Variants in ITPR1 observed in about 807,000 individuals in gnomAD.
ITPR1 encodes the protein inositol 1,4,5-trisphosphate receptor type 1, also known as inositol 1,4,5-trisphosphate-gated calcium channel ITPR1.
A neutral mutation model predicts 318.4 loss-of-function variants in ITPR1; 96 were observed. The ratio of observed to expected loss-of-function variants is 0.30; its 90% confidence interval spans 0.26 to 0.36. The LOEUF (loss-of-function observed/expected upper bound fraction) is 0.36. ITPR1 is among the 10% of genes least tolerant of loss of function. The pLI is 1.00. For missense variants in ITPR1, 2,440 were observed against 3,460.2 expected (o/e 0.71, Z 7.40); for synonymous variants, 1,312 against 1,289.9 (o/e 1.02, Z -0.37).
intron 4 of ITPR1, among the ~76,000 whole-genome samples, chr3:4,523,300 C>T (rs904361214): frequency 1.3e-5 from 2 of 152,058 alleles, no homozygotes; most frequent in African/African-American, 2.4e-5. Context: ...AATACATGCA[C>T]ATAATTTAAA....
chr3:4,696,570 C>T (rs1050536275), intron 33 of ITPR1, among the ~76,000 whole-genome samples: 1 of 151,966 alleles, frequency 6.6e-6, no homozygotes, highest in East Asian at 1.9e-4. Flanking sequence ...CTACTGTGCA[C>T]ACTTGTATAC....
At chr3:4,818,328 C>A in intron 60 of ITPR1, 86 bp downstream of exon 60, 2 of 1,083,720 alleles carry the variant, frequency 1.8e-6, no homozygotes, top group Non-Finnish European at 2.6e-6. Context: ...CGGGGAGCTG[C>A]ACAACAGAAG....
At chr3:4,768,894 T>C (rs1395680802) in intron 46 of ITPR1, 130 bp downstream of exon 46, 10 of 866,464 alleles carry the variant, frequency 1.2e-5, no homozygotes, top group Middle Eastern at 2.8e-4. Flanking sequence ...GGTTCTTTTT[T>C]TTCCTTTTTC....
intron 44 of ITPR1, among the ~76,000 whole-genome samples, chr3:4,738,076 A>G (rs2043406746): frequency 6.6e-6 from 1 of 152,160 alleles, no homozygotes; most frequent in South Asian, 2.1e-4. Flanking sequence ...TGGAGGTCGG[A>G]AGGAGGGAGA....
At chr3:4,736,606 T>G (rs191748541) in intron 44 of ITPR1, among the ~76,000 whole-genome samples, 1 of 152,370 alleles carries the variant, frequency 6.6e-6, no homozygotes, top group East Asian at 1.9e-4. Context: ...CCTGGGCCAG[T>G]GGCAAGGCCC....
intron 60 of ITPR1, among the ~76,000 whole-genome samples, chr3:4,822,773 G>A (rs2049812358): frequency 2.0e-5 from 3 of 152,242 alleles, no homozygotes; most frequent in South Asian, 2.1e-4. Context: ...AACTCACAGC[G>A]CCGCTCATTC....
rs762416053 is a variant in ITPR1 at position 4,846,206 on chromosome 3, A to G, written c.8258A>G (p.Asn2753Ser). Reference protein sequence around the residue: ...LLGHPPHMNVNPQQPA With the variant: ...LLGHPPHMNVSPQQPA The stretch of plus-strand genomic sequence containing the variant: ...GGACATCCTCCTCACATGAATGTCA[A>G]CCCACAACAACCAGCATAAGCAAAT... Residue 2753 changes from asparagine to serine, a missense_variant, in exon 62 of 62, where the codon AAC becomes AGC. Asn to Ser is a conservative substitution (Grantham distance 46). Around this residue, in one of 23 missense-constraint regions of ITPR1, gnomAD observed 63 missense variants for 63.4 expected, o/e 0.99. Transcript: ENST00000649015. 8 of 1,561,218 alleles carry G rather than the reference A, an allele frequency of 5.1e-6. No homozygotes were observed. Among genetic ancestry groups the G allele is most frequent in the Non-Finnish European group, 7.0e-6 (8 of 1,150,410 alleles).
chr3:4,670,587 A>G (rs2094054544), intron 19 of ITPR1, 142 bp from the exon 20 acceptor site: 2 of 654,054 alleles, frequency 3.1e-6, no homozygotes, highest in Admixed American at 2.4e-5. Context: ...GAAGATGTTA[A>G]TGTCAGGCTC....
At chr3:4,641,029 G>A (rs1049246983) in intron 6 of ITPR1, among the ~76,000 whole-genome samples, 10 of 152,180 alleles carry the variant, frequency 6.6e-5, no homozygotes, top group African/African-American at 1.9e-4. Context: ...TGCGCTGTTC[G>A]GGGATTTGGA....
chr3:4,623,964 T>C (rs556761856), intron 4 of ITPR1, among the ~76,000 whole-genome samples: 30 of 152,342 alleles, frequency 2.0e-4, no homozygotes, highest in African/African-American at 6.7e-4. Context: ...ATACACCCTC[T>C]CACCTTAGGG....
At chr3:4,613,743 C>G (rs2092267794) in intron 4 of ITPR1, among the ~76,000 whole-genome samples, 1 of 152,170 alleles carries the variant, frequency 6.6e-6, no homozygotes, top group African/African-American at 2.4e-5. Context: ...CAGGATCATC[C>G]TTCTTTTCAT....
rs2307067 is a variant in ITPR1 at position 4,628,008 on chromosome 3, G to A, written c.279+130G>A. The A allele has an allele frequency of 0.065, 37,638 of 577,578 alleles. 1,818 individuals are homozygous for A. The highest frequency in any genetic ancestry group is 0.16 in the African/African-American group (8,540 of 53,194). 35.8% of individuals were successfully genotyped at this position (577,578 alleles called of 1,614,324 possible). A position where few individuals can be genotyped will look rare whatever the true frequency, so the allele number is the denominator to read the frequency against. Reference sequence around the variant, plus strand: ...CAGCCAGCTTTCTACTTTTTTTTTCGTGAAGGGGTAGAAGGGAACCGACCG... The same window carrying A: ...CAGCCAGCTTTCTACTTTTTTTTTCATGAAGGGGTAGAAGGGAACCGACCG... On this transcript the variant is annotated intron_variant, in intron 5 of 61. Transcript: ENST00000649015.
At chr3:4,585,783 AT>A (rs201361637) in intron 4 of ITPR1, among the ~76,000 whole-genome samples, 20,349 of 151,668 alleles carry the variant, frequency 0.13, 1,452 homozygotes, top group African/African-American at 0.15. Flanking sequence ...TTTCTTTTAT[AT>A]TATACTTTAA....
chr3:4,738,828 A>G (rs1307202300), intron 44 of ITPR1, among the ~76,000 whole-genome samples: 2 of 152,124 alleles, frequency 1.3e-5, no homozygotes, highest in African/African-American at 4.8e-5. Flanking sequence ...CCACGTGTGG[A>G]GCAGGGATGT....
chr3:4,562,238 T>C (rs911469214), intron 4 of ITPR1, among the ~76,000 whole-genome samples: 1 of 152,200 alleles, frequency 6.6e-6, no homozygotes, highest in East Asian at 1.9e-4. Context: ...ATACAGCTCA[T>C]CAAAATATCT....
chr3:4,514,921 T>C (rs936294846), intron 2 of ITPR1, among the ~76,000 whole-genome samples: 1 of 152,214 alleles, frequency 6.6e-6, no homozygotes, highest in Non-Finnish European at 1.5e-5. Flanking sequence ...AATTAAACAA[T>C]GACTGACATG....
chr3:4,785,099 A>G (rs1341824773), intron 51 of ITPR1, among the ~76,000 whole-genome samples: 1 of 152,230 alleles, frequency 6.6e-6, no homozygotes, highest in African/African-American at 2.4e-5. Flanking sequence ...AAGCTTTACA[A>G]TCTTCTCTGG....
At chr3:4,681,315 A>G (rs755301189) in intron 25 of ITPR1, 49 bp from the exon 26 acceptor site, 1 of 1,316,604 alleles carries the variant, frequency 7.6e-7, no homozygotes, top group South Asian at 1.2e-5. Context: ...CACCAGCAGC[A>G]TGTTTGCAGA....
At chr3:4,756,941 C>CA (rs1214076912) in intron 44 of ITPR1, among the ~76,000 whole-genome samples, 1 of 152,242 alleles carries the variant, frequency 6.6e-6, no homozygotes, top group Non-Finnish European at 1.5e-5. Context: ...TGGTAGTAAT[C>CA]AAAGTGTTTT....
Sources: allele counts gnomAD v4.1 joint callset (sites outside exome capture counted in the v4.1 genomes callset), GRCh38; gene constraint gnomAD v4.1.1; regional missense constraint gnomAD v4.1.1; transcripts MANE v1.5; gene names NCBI Gene and HGNC (gene_info 2026-07-23, HGNC 2026-07-21).